ROBO2: variants seen among roughly 807,000 people sequenced by gnomAD.
The protein encoded by ROBO2 is roundabout homolog 2.
Under a neutral mutation model 160.8 loss-of-function variants are expected in ROBO2, and 53 were observed. The ratio of observed to expected loss-of-function variants is 0.33; its 90% confidence interval spans 0.26 to 0.41. ROBO2 has a LOEUF of 0.41. ROBO2 is among the 10% of genes least tolerant of loss of function. The pLI is 1.00. For missense variants in ROBO2, 1,577 were observed against 1,722.4 expected (o/e 0.92, Z 1.49); for synonymous variants, 664 against 611.7 (o/e 1.09, Z -1.26).
chr3:76,452,092 A>G (rs901544047), intron 2 of ROBO2, among the ~76,000 whole-genome samples: 1 of 152,244 alleles, frequency 6.6e-6, no homozygotes, highest in African/African-American at 2.4e-5. Flanking sequence ...TCAACCCCTA[A>G]TTCTTTGTTG....
At chr3:77,630,777 G>A (rs2153712570) in intron 23 of ROBO2, 1 of 151,946 alleles carries the variant, frequency 6.6e-6, no homozygotes, top group African/African-American at 2.4e-5. Flanking sequence ...ACAAGATGAA[G>A]ATTAAAGAGA....
chr3:76,853,178 G>C (rs1296458263), intron 2 of ROBO2, among the ~76,000 whole-genome samples: 1 of 151,816 alleles, frequency 6.6e-6, no homozygotes, highest in African/African-American at 2.4e-5. Context: ...TTAATATTTA[G>C]TTTCTTATTT....
intron 2 of ROBO2, among the ~76,000 whole-genome samples, chr3:77,311,944 G>A (rs1341241921): frequency 6.6e-6 from 1 of 152,020 alleles, no homozygotes; most frequent in Non-Finnish European, 1.5e-5. Context: ...AAGATAGCTG[G>A]ATGTGACGGT....
At chr3:76,394,833 T>C (rs1445918587) in intron 2 of ROBO2, among the ~76,000 whole-genome samples, 2 of 152,102 alleles carry the variant, frequency 1.3e-5, no homozygotes, top group Non-Finnish European at 1.5e-5. Context: ...AAGCAAGTGC[T>C]TAGAGACCTA....
intron 5 of ROBO2, among the ~76,000 whole-genome samples, chr3:77,512,813 C>G (rs997235241): frequency 6.6e-6 from 1 of 151,916 alleles, no homozygotes; most frequent in Admixed American, 6.6e-5. Context: ...CCTTTCAAGT[C>G]TCCTTAAAGG....
chr3:77,200,034 C>A (rs2082683663), intron 2 of ROBO2, among the ~76,000 whole-genome samples: 1 of 150,656 alleles, frequency 6.6e-6, no homozygotes, highest in Non-Finnish European at 1.5e-5. Flanking sequence ...AATAAAAGAG[C>A]AGGATTTTAT....
chr3:75,988,923 A>T (rs2107497819), intron 2 of ROBO2, among the ~76,000 whole-genome samples: 1 of 150,672 alleles, frequency 6.6e-6, no homozygotes, highest in African/African-American at 2.5e-5. Flanking sequence ...TATTATGAAA[A>T]TTATTACTAT....
At chr3:77,485,553 C>T (rs1163601539) in intron 4 of ROBO2, among the ~76,000 whole-genome samples, 1 of 152,058 alleles carries the variant, frequency 6.6e-6, no homozygotes, top group East Asian at 1.9e-4. Flanking sequence ...AGTTGATGAG[C>T]AGTCTCAATC....
chr3:76,604,129 A>C (rs568547381), intron 2 of ROBO2, among the ~76,000 whole-genome samples: 1 of 152,302 alleles, frequency 6.6e-6, no homozygotes, highest in African/African-American at 2.4e-5. Flanking sequence ...CTATATCCTA[A>C]TGATGACATT....
At chr3:77,403,940 G>A (rs989984550) in intron 2 of ROBO2, among the ~76,000 whole-genome samples, 2 of 151,856 alleles carry the variant, frequency 1.3e-5, no homozygotes, top group African/African-American at 2.4e-5. Flanking sequence ...TTTCCAAATT[G>A]GCACTAGGCT....
chr3:77,632,554 T>G, intron 23 of ROBO2: 1 of 1,535,888 alleles, frequency 6.5e-7, no homozygotes, highest in Non-Finnish European at 8.7e-7. Flanking sequence ...AGGTAGCTCC[T>G]CAGATGGCTC....
At chr3:76,205,439 C>T (rs539650212) in intron 2 of ROBO2, among the ~76,000 whole-genome samples, 5 of 152,200 alleles carry the variant, frequency 3.3e-5, no homozygotes, top group African/African-American at 1.2e-4. Context: ...CACTCCTGCT[C>T]GTGAAAGGCA....
At chr3:77,644,619 T>A (rs1199514249) in intron 24 of ROBO2, 85 bp from the exon 27 acceptor site, 4 of 1,171,070 alleles carry the variant, frequency 3.4e-6, no homozygotes, top group Non-Finnish European at 5.1e-6. Context: ...AAGTAGGCCA[T>A]TCACAGTGTT....
At chr3:76,043,082 A>T (rs2067325603) in intron 2 of ROBO2, among the ~76,000 whole-genome samples, 1 of 151,980 alleles carries the variant, frequency 6.6e-6, no homozygotes, top group South Asian at 2.1e-4. Context: ...GAATATCCAA[A>T]TATCTTCAAC....
At chr3:77,566,917 G>T (rs1032054278) in intron 12 of ROBO2, among the ~76,000 whole-genome samples, 1 of 151,830 alleles carries the variant, frequency 6.6e-6, no homozygotes, top group African/African-American at 2.4e-5. Context: ...TTTTTCAAAG[G>T]TATTAAATAA....
At chr3:76,632,796 G>A (rs1033247586) in intron 2 of ROBO2, among the ~76,000 whole-genome samples, 1 of 152,150 alleles carries the variant, frequency 6.6e-6, no homozygotes, top group African/African-American at 2.4e-5. Flanking sequence ...CTAATTTTTT[G>A]TGAGGAAAAC....
rs185053091 is a variant in ROBO2, at chr3:76,666,226, T to C, written c.110-431788T>C. Among the ~76,000 whole-genome samples, 133 of 151,922 alleles carry C rather than the reference T, an allele frequency of 8.8e-4. 3 individuals are homozygous for C. The highest frequency in any genetic ancestry group is 3.1e-3 in the African/African-American group (129 of 41,478). On this transcript the variant is annotated intron_variant, in intron 2 of 26. Transcript: ENST00000487694. ...ATAATTTGAAGCTCTCTGGGATTAA[T>C]TTTTCTTGTGCTTAGCACATAACAG... is the stretch of plus-strand genomic sequence containing the variant.
At chr3:76,902,007 A>G (rs1306115853) in intron 2 of ROBO2, among the ~76,000 whole-genome samples, 1 of 151,898 alleles carries the variant, frequency 6.6e-6, no homozygotes, top group African/African-American at 2.4e-5. Flanking sequence ...AACATGTTTT[A>G]TATAATTTTT....
At chr3:76,668,147 T>C (rs2092124704) in intron 2 of ROBO2, among the ~76,000 whole-genome samples, 1 of 152,144 alleles carries the variant, frequency 6.6e-6, no homozygotes, top group Non-Finnish European at 1.5e-5. Context: ...AAATTCAGAC[T>C]GGAGTGTAGC....
Sources: allele counts gnomAD v4.1 joint callset (sites outside exome capture counted in the v4.1 genomes callset), GRCh38; gene constraint gnomAD v4.1.1; transcripts MANE v1.5; gene names NCBI Gene and HGNC (gene_info 2026-07-23, HGNC 2026-07-21).